The following ANK2 variants were observed in gnomAD, a reference collection of about 807,000 sequenced individuals.
ANK2 encodes the protein ankyrin-2.
Under a neutral mutation model 360.5 loss-of-function variants are expected in ANK2, and 83 were observed. That is an observed-to-expected ratio of 0.23 (90% CI 0.19 to 0.28). ANK2 has a LOEUF of 0.28. Among genes scored for constraint, ANK2 ranks in the 10% least tolerant of loss-of-function variants. The probability of loss-of-function intolerance (pLI) is 1.00; values close to 1 mark genes in which losing one functional copy is unlikely to be tolerated. For missense variants in ANK2, 4,201 were observed against 4,795.7 expected, an observed-to-expected ratio of 0.88 and a Z score of 3.66; for synonymous variants, 1,740 against 1,759.5, an observed-to-expected ratio of 0.99 and a Z score of 0.28.
At chr4:112,908,088 G>C (rs1183348480) in intron 2 of ANK2, among the ~76,000 whole-genome samples, 1 of 152,110 alleles carries the variant, frequency 6.6e-6, no homozygotes, top group Admixed American at 6.5e-5. Flanking sequence ...AAGTTTTCAA[G>C]AAAACCATAC....
intron 1 of ANK2, among the ~76,000 whole-genome samples, chr4:112,821,499 A>ATTT (rs952095787): frequency 2.8e-4 from 41 of 144,488 alleles, no homozygotes; most frequent in East Asian, 8.4e-4. Context: ...GACTACCCTA[A>ATTT]TTTTTTTTTT....
intron 2 of ANK2, among the ~76,000 whole-genome samples, chr4:112,937,708 T>C (rs2154243558): frequency 6.6e-6 from 1 of 152,360 alleles, no homozygotes; most frequent in African/African-American, 2.4e-5. Flanking sequence ...TCATTATTGT[T>C]ATGCTCTGAA....
chr4:112,829,365 G>A (rs185535635), intron 1 of ANK2, among the ~76,000 whole-genome samples: 17 of 150,782 alleles, frequency 1.1e-4, no homozygotes, highest in Admixed American at 9.3e-4. Context: ...TATATTTATC[G>A]TATCCTCAGG....
At chr4:112,914,604 A>AAAAAG (rs911096615) in intron 2 of ANK2, among the ~76,000 whole-genome samples, 26 of 152,182 alleles carry the variant, frequency 1.7e-4, no homozygotes, top group African/African-American at 4.6e-4. Flanking sequence ...ACTCTGTCTC[A>AAAAAG]AAAAGAAAAG....
chr4:113,109,993 A>G (rs2094116084), intron 1 of ANK2, among the ~76,000 whole-genome samples: 1 of 152,202 alleles, frequency 6.6e-6, no homozygotes, highest in Non-Finnish European at 1.5e-5. Context: ...TTTATGGAAT[A>G]TGAGTTTGCA....
chr4:112,712,798 C>T, the ANK2 span, among the ~76,000 whole-genome samples: 4 of 152,140 alleles, frequency 2.6e-5, no homozygotes, highest in African/African-American at 7.2e-5. Flanking sequence ...ATGACAGTCA[C>T]AGGCAATAAA....
the ANK2 span, among the ~76,000 whole-genome samples, chr4:112,709,804 T>G: frequency 3.3e-5 from 5 of 152,178 alleles, no homozygotes; most frequent in Non-Finnish European, 5.9e-5. Context: ...TACCATCTTT[T>G]TGACAAACTC....
chr4:113,204,940 CAT>C (rs1453485917), intron 4 of ANK2, among the ~76,000 whole-genome samples: 2 of 152,138 alleles, frequency 1.3e-5, no homozygotes, highest in African/African-American at 2.4e-5. Context: ...AAATTTTTAA[CAT>C]GTGTAAGACT....
At chr4:112,716,052 C>G in the ANK2 span, among the ~76,000 whole-genome samples, 1 of 152,204 alleles carries the variant, frequency 6.6e-6, no homozygotes, top group East Asian at 1.9e-4. Context: ...AAATGTCAGC[C>G]TCTTCCCTTC....
chr4:113,080,263 T>A (rs1393225893), intron 1 of ANK2, among the ~76,000 whole-genome samples: 1 of 152,180 alleles, frequency 6.6e-6, no homozygotes, highest in Non-Finnish European at 1.5e-5. Context: ...GCTGTGGCCC[T>A]CTGATGTAAC....
At chr4:112,755,139 C>T in the ANK2 span, among the ~76,000 whole-genome samples, 6 of 152,140 alleles carry the variant, frequency 3.9e-5, no homozygotes, top group East Asian at 3.8e-4. Flanking sequence ...CCTCCAATCC[C>T]CTGGGCCCCA....
chr4:112,723,045 A>T, the ANK2 span, among the ~76,000 whole-genome samples: 2 of 152,210 alleles, frequency 1.3e-5, no homozygotes, highest in Non-Finnish European at 2.9e-5. Context: ...GTCTGGGCTC[A>T]TTGCCATCCA....
chr4:112,769,482 G>T, the ANK2 span, among the ~76,000 whole-genome samples: 6 of 152,152 alleles, frequency 3.9e-5, no homozygotes, highest in Non-Finnish European at 8.8e-5. Context: ...GTCAACCTTG[G>T]TTTCTCTGTT....
chr4:112,921,083 G>A (rs1394794050), intron 2 of ANK2, among the ~76,000 whole-genome samples: 21 of 140,550 alleles, frequency 1.5e-4, no homozygotes, highest in East Asian at 6.1e-4. Context: ...GCAGGGTTTC[G>A]CTGTATTGCC....
At chr4:112,861,630 A>G (rs540856757) in intron 1 of ANK2, among the ~76,000 whole-genome samples, 1 of 152,294 alleles carries the variant, frequency 6.6e-6, no homozygotes, top group South Asian at 2.1e-4. Context: ...AAAATAGGGT[A>G]TCTACAGGAG....
chr4:113,005,067 T>C (rs1193878919), intron 2 of ANK2, among the ~76,000 whole-genome samples: 1 of 152,180 alleles, frequency 6.6e-6, no homozygotes, highest in Non-Finnish European at 1.5e-5. Context: ...ATCAAGAGTT[T>C]CTGCATCATG....
intron 1 of ANK2, among the ~76,000 whole-genome samples, chr4:112,872,768 G>A (rs1049182533): frequency 6.6e-6 from 1 of 152,178 alleles, no homozygotes; most frequent in East Asian, 1.9e-4. Context: ...TTTTTTGGGA[G>A]AGTTTCTCAA....
At chr4:113,050,038 G>A (rs1167662267) in intron 1 of ANK2, among the ~76,000 whole-genome samples, 2 of 152,210 alleles carry the variant, frequency 1.3e-5, no homozygotes, top group African/African-American at 4.8e-5. Context: ...GCATGGTGAA[G>A]TGAATAGAGA....
intron 17 of ANK2, among the ~76,000 whole-genome samples, chr4:113,279,657 T>C (rs1054281047): frequency 2.0e-5 from 3 of 148,666 alleles, no homozygotes; most frequent in African/African-American, 7.3e-5. Flanking sequence ...AAATAGGATA[T>C]ATACATAAAA....
Sources: allele counts gnomAD v4.1 joint callset (sites outside exome capture counted in the v4.1 genomes callset), GRCh38; gene constraint gnomAD v4.1.1; transcripts MANE v1.5; gene names NCBI Gene and HGNC (gene_info 2026-07-23, HGNC 2026-07-21).